ZRANB3: variants seen among roughly 807,000 people sequenced by gnomAD.
ZRANB3 encodes the protein DNA annealing helicase and endonuclease ZRANB3.
In ZRANB3, 125 loss-of-function variants were observed where a neutral mutation model predicts 133.8. That is an observed-to-expected ratio of 0.93 (90% CI 0.81 to 1.08). The LOEUF is 1.08. Among genes scored for constraint, ZRANB3 ranks in the 50% least tolerant of loss-of-function variants. The pLI is 0.00. For synonymous variants in ZRANB3, 387 were observed against 432.7 expected (o/e 0.89, Z 1.31); for missense variants, 1,229 against 1,275.5 (o/e 0.96, Z 0.56).
At chr2:135,498,525 A>G (rs1376574559) in intron 2 of ZRANB3, among the ~76,000 whole-genome samples, 1 of 152,190 alleles carries the variant, frequency 6.6e-6, no homozygotes, top group East Asian at 1.9e-4. Flanking sequence ...CGTTAACTGC[A>G]CAAATTGTTT....
intron 2 of ZRANB3, among the ~76,000 whole-genome samples, chr2:135,446,998 C>A (rs989459668): frequency 2.6e-5 from 4 of 152,062 alleles, no homozygotes; most frequent in African/African-American, 9.7e-5. Context: ...TTTCTTTCCT[C>A]TATTTTTCTG....
At chr2:135,285,417 C>G (rs1681308319) in intron 8 of ZRANB3, among the ~76,000 whole-genome samples, 1 of 152,198 alleles carries the variant, frequency 6.6e-6, no homozygotes. Context: ...GCCAGAGATC[C>G]TTTCCGAAAC....
At chr2:135,483,734 C>G (rs1691956445) in intron 2 of ZRANB3, among the ~76,000 whole-genome samples, 1 of 152,128 alleles carries the variant, frequency 6.6e-6, no homozygotes, top group Admixed American at 6.5e-5. Context: ...TTCCCGCTTT[C>G]TCTTGTGGGC....
At chr2:135,394,841 G>C (rs1399403888) in intron 2 of ZRANB3, among the ~76,000 whole-genome samples, 1 of 151,534 alleles carries the variant, frequency 6.6e-6, no homozygotes, top group Non-Finnish European at 1.5e-5. Flanking sequence ...TACTAAGCTG[G>C]GTGTAGTGGC....
chr2:135,217,693 C>A, intron 16 of ZRANB3, 86 bp from the exon 17 acceptor site: 1 of 1,481,366 alleles, frequency 6.8e-7, no homozygotes, highest in Non-Finnish European at 9.0e-7. Flanking sequence ...CATCAGAAAA[C>A]TGCTATTTTG....
At chr2:135,459,537 C>T (rs1690673782) in intron 2 of ZRANB3, among the ~76,000 whole-genome samples, 1 of 152,164 alleles carries the variant, frequency 6.6e-6, no homozygotes, top group Non-Finnish European at 1.5e-5. Flanking sequence ...GGATTCTTTG[C>T]TCCAATGAGG....
intron 12 of ZRANB3, among the ~76,000 whole-genome samples, chr2:135,255,016 G>C (rs952773803): frequency 6.6e-6 from 1 of 152,060 alleles, no homozygotes; most frequent in African/African-American, 2.4e-5. Context: ...CTCCCAAAGT[G>C]CTGGGATTAC....
intron 12 of ZRANB3, among the ~76,000 whole-genome samples, chr2:135,235,022 C>A (rs549854198): frequency 3.3e-5 from 5 of 152,076 alleles, no homozygotes; most frequent in African/African-American, 4.8e-5. Context: ...AAAAGATCAA[C>A]AAAATTGATA....
chr2:135,378,859 AAAAC>A (rs1416873226), intron 3 of ZRANB3, among the ~76,000 whole-genome samples: 2 of 152,208 alleles, frequency 1.3e-5, no homozygotes, highest in African/African-American at 4.8e-5. Context: ...AAGGTCTTCA[AAAAC>A]AAACAGTGTG....
chr2:135,252,516 CAG>C (rs947665099), intron 12 of ZRANB3, among the ~76,000 whole-genome samples: 4 of 152,126 alleles, frequency 2.6e-5, no homozygotes, highest in African/African-American at 9.7e-5. Flanking sequence ...GAATGTAACT[CAG>C]GGGGTTAAAT....
intron 2 of ZRANB3, among the ~76,000 whole-genome samples, chr2:135,443,154 G>T: frequency 6.6e-6 from 1 of 151,206 alleles, no homozygotes; most frequent in African/African-American, 2.4e-5. Flanking sequence ...GAAAAGAAAA[G>T]AAAATGTGGC....
chr2:135,471,893 A>C (rs1691287902), intron 2 of ZRANB3, among the ~76,000 whole-genome samples: 1 of 152,230 alleles, frequency 6.6e-6, no homozygotes, highest in Non-Finnish European at 1.5e-5. Context: ...GGAAATTATT[A>C]TATTCTGACA....
intron 8 of ZRANB3, among the ~76,000 whole-genome samples, chr2:135,302,260 G>A (rs1368165256): frequency 6.6e-6 from 1 of 152,054 alleles, no homozygotes; most frequent in Non-Finnish European, 1.5e-5. Context: ...AATTATTTCT[G>A]GCTGTAGCTC....
At position 135,345,613 on chromosome 2, in the gene ZRANB3, A is replaced by G. The variant is rs1459789460; in HGVS notation, c.614T>C (p.Leu205Pro). Residue 205 changes from leucine to proline, a missense_variant, in exon 6 of 21, where the codon CTC becomes CCC. Physicochemically the swap from Leu to Pro is moderately conservative, Grantham distance 98. Transcript: ENST00000264159. ...CCATCTTCCAAATTTTTGTGGAAAG[A>G]GAGCTTCAATCTGCATAAAAAGCTA... Reference protein sequence around the residue: ...PEELFMQIEALFPQKFGRWTD... With the variant: ...PEELFMQIEAPFPQKFGRWTD... The G allele has an allele frequency of 6.2e-7, 1 of 1,612,204 alleles. No homozygotes were observed. Among genetic ancestry groups the G allele is most frequent in the Non-Finnish European group, 8.5e-7 (1 of 1,178,850 alleles).
chr2:135,374,826 T>C (rs891879918), intron 3 of ZRANB3, among the ~76,000 whole-genome samples: 1 of 152,108 alleles, frequency 6.6e-6, no homozygotes, highest in Admixed American at 6.6e-5. Context: ...TAAAGACTTG[T>C]ACTTAAAATA....
chr2:135,207,536 A>G lies in ZRANB3; in HGVS notation c.2907T>C (p.Asn969=). 1.9e-6 allele frequency: 3 copies of G among 1,614,060 alleles called. No individual in the cohort carries two copies. Among genetic ancestry groups the G allele is most frequent in the Non-Finnish European group, 2.5e-6 (3 of 1,179,902 alleles). The change falls in exon 19 of 21, where the codon AAT becomes AAC. Residue 969 remains asparagine, a synonymous_variant. Transcript: ENST00000264159. ...ETEHGVCQLC[N]VNAQELFLRL... ...GTAAAAAGAGTTCTTGTGCGTTCAC[A>G]TTACAGAGCTGACACACACCATGTT... is the stretch of plus-strand genomic sequence containing the variant.
intron 2 of ZRANB3, among the ~76,000 whole-genome samples, chr2:135,416,967 A>G (rs1688607067): frequency 6.6e-6 from 1 of 152,200 alleles, no homozygotes; most frequent in Non-Finnish European, 1.5e-5. Flanking sequence ...TTCAAGATGG[A>G]TTAAAGACTT....
At chr2:135,293,629 T>C (rs2104798024) in intron 8 of ZRANB3, among the ~76,000 whole-genome samples, 2 of 152,010 alleles carry the variant, frequency 1.3e-5, no homozygotes, top group South Asian at 4.2e-4. Context: ...CTTCCAACAC[T>C]ATGTTGAATA....
chr2:135,402,828 T>C (rs570836363), intron 2 of ZRANB3, among the ~76,000 whole-genome samples: 1 of 152,106 alleles, frequency 6.6e-6, no homozygotes, highest in Admixed American at 6.6e-5. Context: ...TCAGGTGATC[T>C]ACCCACCTCA....
Sources: gnomAD v4.1 joint callset for allele counts (sites outside exome capture counted in the v4.1 genomes callset) on GRCh38, gnomAD v4.1.1 for gene constraint, MANE v1.5 for transcripts, NCBI Gene and HGNC (gene_info 2026-07-23, HGNC 2026-07-21) for gene names.